NXPH1: variants seen among roughly 807,000 people sequenced by gnomAD.
NXPH1 encodes the protein neurexophilin 1.
Under a neutral mutation model 23.7 loss-of-function variants are expected in NXPH1, and 5 were observed. The ratio of observed to expected loss-of-function variants is 0.21; its 90% CI spans 0.11 to 0.44. NXPH1 has a LOEUF of 0.44. Ranked by LOEUF, NXPH1 falls within the 20% of genes least tolerant of loss-of-function variation. The pLI is 0.99. For missense variants in NXPH1, 324 were observed against 321.6 expected (o/e 1.01, Z -0.06); for synonymous variants, 144 against 122.2 (o/e 1.18, Z -1.18).
At chr7:8,715,945 AT>A (rs1779869530) in intron 2 of NXPH1, among the ~76,000 whole-genome samples, 1 of 152,182 alleles carries the variant, frequency 6.6e-6, no homozygotes, top group Non-Finnish European at 1.5e-5. Context: ...ACATATATAT[AT>A]AAATGTATTA....
chr7:8,576,184 T>A (rs2128622894), intron 2 of NXPH1, among the ~76,000 whole-genome samples: 1 of 152,306 alleles, frequency 6.6e-6, no homozygotes, highest in East Asian at 1.9e-4. Flanking sequence ...TTAACTGTAT[T>A]CTAGGCATAT....
intron 2 of NXPH1, among the ~76,000 whole-genome samples, chr7:8,692,043 A>G (rs779592167): frequency 6.6e-5 from 10 of 151,986 alleles, no homozygotes; most frequent in Non-Finnish European, 1.2e-4. Flanking sequence ...GGCTGGGGCT[A>G]GAACCAGCTT....
At chr7:8,506,325 T>C (rs1193756816) in intron 2 of NXPH1, among the ~76,000 whole-genome samples, 1 of 152,114 alleles carries the variant, frequency 6.6e-6, no homozygotes, top group African/African-American at 2.4e-5. Flanking sequence ...TCCAGTGTCC[T>C]GAGACCTAGG....
intron 2 of NXPH1, among the ~76,000 whole-genome samples, chr7:8,526,814 C>T (rs1455321718): frequency 1.3e-5 from 2 of 152,256 alleles, no homozygotes; most frequent in East Asian, 3.9e-4. Flanking sequence ...ACCTCTTTTT[C>T]TTACCAGTCT....
intron 2 of NXPH1, among the ~76,000 whole-genome samples, chr7:8,589,927 C>G (rs1463049238): frequency 1.3e-5 from 2 of 152,100 alleles, no homozygotes; most frequent in African/African-American, 4.8e-5. Flanking sequence ...ATTCAATTCC[C>G]CAATCTCATT....
intron 2 of NXPH1, among the ~76,000 whole-genome samples, chr7:8,686,877 T>C (rs1172848950): frequency 1.3e-5 from 2 of 152,168 alleles, no homozygotes; most frequent in Non-Finnish European, 2.9e-5. Context: ...TGCTGCATTT[T>C]ATGCTGAATT....
chr7:8,487,871 C>T (rs1273353580), intron 2 of NXPH1, among the ~76,000 whole-genome samples: 1 of 152,066 alleles, frequency 6.6e-6, no homozygotes, highest in Admixed American at 6.6e-5. Flanking sequence ...CACCAGATTG[C>T]CTTATTAAGT....
At chr7:8,505,823 G>T (rs1414662828) in intron 2 of NXPH1, among the ~76,000 whole-genome samples, 1 of 152,092 alleles carries the variant, frequency 6.6e-6, no homozygotes, top group East Asian at 1.9e-4. Flanking sequence ...TGAGGAGCAT[G>T]CAGGTGTTTC....
intron 2 of NXPH1, among the ~76,000 whole-genome samples, chr7:8,507,554 C>T (rs1355078000): frequency 6.6e-6 from 1 of 152,092 alleles, no homozygotes; most frequent in African/African-American, 2.4e-5. Context: ...ATGAATCCTT[C>T]TAGTAGTTCC....
At chr7:8,648,663 CAT>C (rs1181178255) in intron 2 of NXPH1, among the ~76,000 whole-genome samples, 1 of 152,182 alleles carries the variant, frequency 6.6e-6, no homozygotes, top group Non-Finnish European at 1.5e-5. Context: ...ATAAATCCCT[CAT>C]GTGTGCTTGA....
rs182212524 is a variant in NXPH1, at chr7:8,590,636, G to T, written c.54+154869G>T. 3.0e-3 allele frequency among the ~76,000 whole-genome samples: 461 copies of T among 152,142 alleles called. 5 individuals carry two copies. Among genetic ancestry groups the T allele is most frequent in the Middle Eastern group, 6.8e-3 (2 of 294 alleles). Reference sequence around the variant, plus strand: ...TGTTAAAAATTGAAATTCACATTCTGCTATTTGTAAATATTAATTCTTTGG... The same window carrying T: ...TGTTAAAAATTGAAATTCACATTCTTCTATTTGTAAATATTAATTCTTTGG... On this transcript the variant is annotated intron_variant, in intron 2 of 2. Coordinates refer to ENST00000405863, the MANE Select transcript of NXPH1 (RefSeq NM_152745.3).
intron 2 of NXPH1, among the ~76,000 whole-genome samples, chr7:8,703,088 C>T (rs1450222532): frequency 6.6e-6 from 1 of 152,070 alleles, no homozygotes; most frequent in African/African-American, 2.4e-5. Flanking sequence ...CTGTTTCTGT[C>T]AGCATATCCC....
At chr7:8,690,071 A>C (rs922154028) in intron 2 of NXPH1, among the ~76,000 whole-genome samples, 1 of 152,154 alleles carries the variant, frequency 6.6e-6, no homozygotes, top group Non-Finnish European at 1.5e-5. Flanking sequence ...GTGTAATGTG[A>C]GTATTTTGAG....
At chr7:8,702,040 A>G (rs766125065) in intron 2 of NXPH1, among the ~76,000 whole-genome samples, 34 of 62,384 alleles carry the variant, frequency 5.5e-4, no homozygotes, top group Admixed American at 1.9e-3. Flanking sequence ...CCAATTAAAG[A>G]AAAAAAAAAA....
chr7:8,667,375 GTTTTGT>G (rs370020857), intron 2 of NXPH1, among the ~76,000 whole-genome samples: 95,910 of 150,874 alleles, frequency 0.64, 31,286 homozygotes, highest in Middle Eastern at 0.77. Context: ...CCAAATATTT[GTTTTGT>G]TTTGTTTTGT....
intron 2 of NXPH1, among the ~76,000 whole-genome samples, chr7:8,718,209 G>T (rs1203953366): frequency 6.6e-6 from 1 of 152,082 alleles, no homozygotes; most frequent in Non-Finnish European, 1.5e-5. Flanking sequence ...ATGTAAAGCA[G>T]GCTTGAACTC....
chr7:8,694,120 T>C (rs1562456792), intron 2 of NXPH1, among the ~76,000 whole-genome samples: 1 of 152,226 alleles, frequency 6.6e-6, no homozygotes, highest in Non-Finnish European at 1.5e-5. Context: ...ACACTCATGA[T>C]GATCTGTCAC....
chr7:8,618,421 A>T (rs776923823), intron 2 of NXPH1, among the ~76,000 whole-genome samples: 9 of 152,158 alleles, frequency 5.9e-5, no homozygotes, highest in Admixed American at 2.0e-4. Flanking sequence ...TGCTAAGAAA[A>T]TCTTGGATGT....
chr7:8,613,194 G>T (rs1471338674), intron 2 of NXPH1, among the ~76,000 whole-genome samples: 1 of 151,386 alleles, frequency 6.6e-6, no homozygotes, highest in Admixed American at 6.6e-5. Context: ...CTTTCACATA[G>T]CCAATTTCAA....
Sources: gnomAD v4.1 joint callset for allele counts (sites outside exome capture counted in the v4.1 genomes callset) on GRCh38, gnomAD v4.1.1 for gene constraint, MANE v1.5 for transcripts, NCBI Gene and HGNC (gene_info 2026-07-23, HGNC 2026-07-21) for gene names.